The following ZNF277 variants were observed in gnomAD, a reference collection of about 807,000 sequenced individuals.
The protein encoded by ZNF277 is zinc finger protein 277.
Under a neutral mutation model 60.7 loss-of-function variants are expected in ZNF277, and 55 were observed. The observed-to-expected ratio is 0.91, with a 90% confidence interval of 0.73 to 1.13. The LOEUF (loss-of-function observed/expected upper bound fraction) is 1.13, where lower values mean the gene tolerates loss of function less well. ZNF277 is among the 50% of genes most tolerant of loss of function. The pLI is 0.00. For missense variants in ZNF277, 510 were observed against 523.0 expected, an observed-to-expected ratio of 0.98 and a Z score of 0.24; for synonymous variants, 178 against 179.3, an observed-to-expected ratio of 0.99 and a Z score of 0.06.
At chr7:112,292,508 T>C (rs1792231987) in intron 2 of ZNF277, among the ~76,000 whole-genome samples, 1 of 152,294 alleles carries the variant, frequency 6.6e-6, no homozygotes, top group East Asian at 1.9e-4. Context: ...CTATGTGACC[T>C]CATTGGTCTC....
chr7:112,314,178 C>A (rs1792790678), intron 4 of ZNF277, among the ~76,000 whole-genome samples: 4 of 152,048 alleles, frequency 2.6e-5, no homozygotes. Flanking sequence ...GAAACTGAGT[C>A]CTAGAGAAGT....
At chr7:112,296,092 T>C in intron 3 of ZNF277, 135 bp downstream of exon 3, 1 of 1,013,722 alleles carries the variant, frequency 9.9e-7, no homozygotes, top group Non-Finnish European at 1.5e-6. Context: ...TTTGCCTAAC[T>C]TGAATAAAGC....
intron 1 of ZNF277, among the ~76,000 whole-genome samples, chr7:112,232,190 CAG>C (rs1406321423): frequency 4.0e-5 from 6 of 151,484 alleles, no homozygotes; most frequent in African/African-American, 1.2e-4. Context: ...GGAATTAAAA[CAG>C]GGGTTGGGAG....
At chr7:112,209,874 A>G (rs1821690309) in intron 1 of ZNF277, among the ~76,000 whole-genome samples, 1 of 152,152 alleles carries the variant, frequency 6.6e-6, no homozygotes, top group Non-Finnish European at 1.5e-5. Context: ...GAAAACCATC[A>G]TTGTGAGCAA....
At chr7:112,272,320 C>A (rs1291512322) in intron 1 of ZNF277, among the ~76,000 whole-genome samples, 2 of 152,108 alleles carry the variant, frequency 1.3e-5, no homozygotes, top group African/African-American at 2.4e-5. Context: ...TTTCTTTATT[C>A]CTTCATTGAC....
At chr7:112,229,254 G>A (rs763870549) in intron 1 of ZNF277, among the ~76,000 whole-genome samples, 16 of 152,196 alleles carry the variant, frequency 1.1e-4, no homozygotes, top group Non-Finnish European at 2.4e-4. Context: ...TTGCCCTCAT[G>A]GAAGAAGTGA....
intron 1 of ZNF277, among the ~76,000 whole-genome samples, chr7:112,217,046 A>C (rs1045633108): frequency 1.8e-4 from 27 of 152,236 alleles, no homozygotes; most frequent in Non-Finnish European, 3.5e-4. Flanking sequence ...AGCATCTGCT[A>C]TGTGCAAACT....
At chr7:112,224,232 T>A (rs1347824943) in intron 1 of ZNF277, among the ~76,000 whole-genome samples, 1 of 152,218 alleles carries the variant, frequency 6.6e-6, no homozygotes, top group Non-Finnish European at 1.5e-5. Context: ...TGGGCCACAT[T>A]GGAAGAAGAA....
intron 1 of ZNF277, among the ~76,000 whole-genome samples, chr7:112,217,717 C>A (rs62473061): frequency 6.6e-6 from 1 of 152,190 alleles, no homozygotes; most frequent in Non-Finnish European, 1.5e-5. Context: ...ACTAAATTAA[C>A]CACCAGATTA....
chr7:112,292,627 G>C (rs1250491925), intron 2 of ZNF277, among the ~76,000 whole-genome samples: 2 of 152,106 alleles, frequency 1.3e-5, no homozygotes, highest in Non-Finnish European at 2.9e-5. Context: ...GTCCCCACAT[G>C]ACACTAGAGG....
At chr7:112,323,572 G>T (rs1793034189) in intron 5 of ZNF277, among the ~76,000 whole-genome samples, 1 of 152,188 alleles carries the variant, frequency 6.6e-6, no homozygotes, top group Non-Finnish European at 1.5e-5. Flanking sequence ...CAAGGCTATT[G>T]TGGAGCTAAG....
At chr7:112,336,005 T>G in intron 7 of ZNF277, 99 bp from the exon 8 acceptor site, 2 of 918,274 alleles carry the variant, frequency 2.2e-6, no homozygotes, top group African/African-American at 1.7e-5. Context: ...CATGGGTGGT[T>G]TTGTTTATTT....
intron 1 of ZNF277, among the ~76,000 whole-genome samples, chr7:112,235,914 A>G (rs1183123623): frequency 6.6e-6 from 1 of 151,944 alleles, no homozygotes; most frequent in African/African-American, 2.4e-5. Flanking sequence ...TTGCTCTTAC[A>G]TGTAGGTTTG....
intron 2 of ZNF277, chr7:112,289,076 G>A (rs1792142417): frequency 6.6e-6 from 1 of 151,604 alleles, no homozygotes; most frequent in Non-Finnish European, 1.5e-5. Context: ...ATCACCGAAG[G>A]TATATTTGAA....
chr7:112,320,905 C>A (rs1335650171), intron 5 of ZNF277, among the ~76,000 whole-genome samples: 3 of 145,316 alleles, frequency 2.1e-5, no homozygotes, highest in African/African-American at 7.7e-5. Flanking sequence ...TTTTTAGTTC[C>A]CTTGTTTCTT....
At chr7:112,338,462 A>G (rs1048697000) in intron 9 of ZNF277, among the ~76,000 whole-genome samples, 1 of 152,192 alleles carries the variant, frequency 6.6e-6, no homozygotes, top group African/African-American at 2.4e-5. Context: ...GATTCATGAT[A>G]GTATCACAGC....
intron 3 of ZNF277, 100 bp from the exon 4 acceptor site, chr7:112,296,129 C>G: frequency 1.0e-6 from 1 of 1,002,252 alleles, no homozygotes; most frequent in Non-Finnish European, 1.6e-6. Flanking sequence ...CAAAGAGATC[C>G]TAATAGACAC....
At chr7:112,331,199 G>A (rs1015243866) in intron 7 of ZNF277, among the ~76,000 whole-genome samples, 1 of 152,142 alleles carries the variant, frequency 6.6e-6, no homozygotes, top group African/African-American at 2.4e-5. Context: ...AGTGGGGGAT[G>A]GGGAGAGGCA....
intron 1 of ZNF277, among the ~76,000 whole-genome samples, chr7:112,264,956 G>C (rs920951399): frequency 6.6e-6 from 1 of 152,204 alleles, no homozygotes; most frequent in Non-Finnish European, 1.5e-5. Context: ...ACTGGTAAGG[G>C]TAGTGGTTGC....
Sources: allele counts gnomAD v4.1 joint callset (sites outside exome capture counted in the v4.1 genomes callset), GRCh38; gene constraint gnomAD v4.1.1; transcripts MANE v1.5; gene names NCBI Gene and HGNC (gene_info 2026-07-23, HGNC 2026-07-21).